The following ENPP2 variants were observed in gnomAD, a reference collection of about 807,000 sequenced individuals.
ENPP2 encodes the protein autotaxin.
In ENPP2, 51 loss-of-function variants were observed where a neutral mutation model predicts 120.2. The observed-to-expected ratio is 0.42, with a 90% CI of 0.34 to 0.54. The LOEUF (loss-of-function observed/expected upper bound fraction) is 0.54, where lower values mean the gene tolerates loss of function less well. Ranked by LOEUF, ENPP2 falls within the 20% of genes least tolerant of loss-of-function variation. The probability of loss-of-function intolerance (pLI) is 0.04; values close to 1 mark genes in which losing one functional copy is unlikely to be tolerated. For missense variants in ENPP2, 920 were observed against 1,066.5 expected, an observed-to-expected ratio of 0.86 and a Z score of 1.91; for synonymous variants, 365 against 366.4, an observed-to-expected ratio of 1.00 and a Z score of 0.04.
chr8:119,619,955 C>G (rs1255791635), intron 4 of ENPP2, among the ~76,000 whole-genome samples: 1 of 151,958 alleles, frequency 6.6e-6, no homozygotes, highest in Non-Finnish European at 1.5e-5. Flanking sequence ...AAGAATTTGC[C>G]TTAAATTATT....
chr8:119,580,324 C>A, intron 18 of ENPP2, 157 bp from the exon 19 acceptor site: 1 of 671,020 alleles, frequency 1.5e-6, no homozygotes, highest in Non-Finnish European at 2.7e-6. Flanking sequence ...ACTGTTTTCT[C>A]TCAAACTGAC....
At chr8:119,660,575 C>A (rs1431107139) in intron 1 of ENPP2, among the ~76,000 whole-genome samples, 1 of 152,186 alleles carries the variant, frequency 6.6e-6, no homozygotes. Flanking sequence ...AGCTTCTGAG[C>A]AGAAGCTTTG....
rs1814091244 is a variant in ENPP2, at chr8:119,562,928, T to C, written c.2350A>G (p.Lys784Glu). 6.2e-7 allele frequency: 1 copy of C among 1,614,024 alleles called. No individual in the cohort carries two copies. The highest frequency in any genetic ancestry group is 1.7e-5 in the Admixed American group (1 of 60,000). Residue 784 changes from lysine (K) to glutamate (E), a missense_variant, in exon 24 of 25, where the codon AAG (lysine) becomes GAG (glutamate). By Grantham distance (56) the Lys-to-Glu change is moderately conservative. Transcript: ENST00000075322. ...GACACAGAGAGAGGGCCGTCACACT[T>C]GTCGGCAGGCTGAGTGAAATCCAGA... ...SCLDFTQPAD[K>E]CDGPLSVSSF...
chr8:119,638,375 G>A (rs375548031), intron 2 of ENPP2, 50 bp downstream of exon 2: 85 of 868,646 alleles, frequency 9.8e-5, no homozygotes, highest in African/African-American at 5.0e-4. Context: ...TGATTACCCC[G>A]TATGTAATAT....
chr8:119,608,292 T>C (rs1814862374), intron 8 of ENPP2, among the ~76,000 whole-genome samples: 1 of 152,216 alleles, frequency 6.6e-6, no homozygotes, highest in East Asian at 1.9e-4. Flanking sequence ...TTTTGAACAA[T>C]TAACTTATGC....
At chr8:119,632,691 A>C (rs958235130) in intron 2 of ENPP2, among the ~76,000 whole-genome samples, 2 of 152,260 alleles carry the variant, frequency 1.3e-5, no homozygotes, top group Non-Finnish European at 2.9e-5. Flanking sequence ...ATTCTGACAG[A>C]AACAGGTACA....
chr8:119,644,621 T>TACACAC (rs1385686458), intron 1 of ENPP2, among the ~76,000 whole-genome samples: 3 of 104,518 alleles, frequency 2.9e-5, no homozygotes, highest in African/African-American at 7.7e-5. Flanking sequence ...TATATATATA[T>TACACAC]ATATACACAC....
intron 1 of ENPP2, among the ~76,000 whole-genome samples, chr8:119,656,315 C>T (rs1817764998): frequency 6.6e-6 from 1 of 152,092 alleles, no homozygotes; most frequent in African/African-American, 2.4e-5. Context: ...CTCCCAACTA[C>T]AACACAATTG....
chr8:119,645,259 C>T (rs569192960), intron 1 of ENPP2, among the ~76,000 whole-genome samples: 1 of 152,312 alleles, frequency 6.6e-6, no homozygotes, highest in African/African-American at 2.4e-5. Flanking sequence ...ACGAGGGCCT[C>T]CACTCAACAC....
rs748134661 is a variant in ENPP2 at position 119,582,393 on chromosome 8, T to C, written c.1728+25A>G. 3.8e-6 allele frequency: 6 copies of C among 1,597,190 alleles called. No homozygotes were observed. In the South Asian group the frequency reaches 4.4e-5, roughly 12 times the overall value. On this transcript the variant is annotated intron_variant, in intron 18 of 24. Transcript: ENST00000075322. The stretch of plus-strand genomic sequence containing the variant: ...GTTAGCCACCCAACAAACTTCTCCA[T>C]AATAAACATAAAGATTATTTCTACC...
At chr8:119,606,444 T>C (rs769116052) in intron 9 of ENPP2, among the ~76,000 whole-genome samples, 1 of 152,120 alleles carries the variant, frequency 6.6e-6, no homozygotes, top group Admixed American at 6.5e-5. Context: ...GCCAGGCAAA[T>C]ATGTTACAGA....
chr8:119,575,306 G>T (rs1363851000), intron 19 of ENPP2, among the ~76,000 whole-genome samples: 1 of 151,990 alleles, frequency 6.6e-6, no homozygotes, highest in Non-Finnish European at 1.5e-5. Context: ...GGTGCTGGCC[G>T]CTGGGTTATT....
chr8:119,607,578 G>C (rs111608198), intron 9 of ENPP2, among the ~76,000 whole-genome samples: 5,600 of 152,018 alleles, frequency 0.037, 341 homozygotes, highest in African/African-American at 0.13. Flanking sequence ...GGGAGGCTGA[G>C]GCAGGAGAAT....
chr8:119,595,703 C>T (rs1259276081), intron 11 of ENPP2: 2 of 727,170 alleles, frequency 2.8e-6, no homozygotes, highest in Non-Finnish European at 2.4e-6. Flanking sequence ...TCTGAAGTAC[C>T]ACATTCTTCT....
chr8:119,600,864 TTAAC>T lies in ENPP2; in HGVS notation c.900-118_900-115del, dbSNP rs1408555621. 3 of 702,012 alleles carry T rather than the reference TTAAC, an allele frequency of 4.3e-6. No homozygotes were observed. The Admixed American group carries it at 8.1e-5, about 19-fold the overall frequency. The allele number at this position is 702,012 out of a possible 1,614,324, so 43.5% of individuals were successfully genotyped here. A position where few individuals can be genotyped will look rare whatever the true frequency, so the allele number is the denominator to read the frequency against. The stretch of plus-strand genomic sequence containing the variant: ...AATGTTCTCAAGTTTAATTTATCCT[TTAAC>T]TACTATTCATGTTAGCATGAAAAAC... On this transcript the variant is annotated intron_variant, in intron 10 of 24. Coordinates refer to ENST00000075322, the MANE Select transcript of ENPP2 (RefSeq NM_001040092.3).
chr8:119,583,667 T>C (rs1472716022), intron 17 of ENPP2, 50 bp downstream of exon 17: 2 of 1,000,072 alleles, frequency 2.0e-6, no homozygotes, highest in Non-Finnish European at 3.1e-6. Context: ...AAAGATCATA[T>C]ATACTAACTA....
At chr8:119,568,922 A>G (rs1009108084) in intron 21 of ENPP2, among the ~76,000 whole-genome samples, 1 of 152,320 alleles carries the variant, frequency 6.6e-6, no homozygotes, top group East Asian at 1.9e-4. Context: ...CAATCTTAAG[A>G]GATCCCCTCT....
intron 1 of ENPP2, among the ~76,000 whole-genome samples, chr8:119,644,653 G>A (rs202168424): frequency 2.2e-5 from 2 of 91,830 alleles, no homozygotes; most frequent in Non-Finnish European, 4.9e-5. Flanking sequence ...CACACATATA[G>A]ATATATATAT....
chr8:119,585,859 C>A (rs1813069656), intron 15 of ENPP2, among the ~76,000 whole-genome samples: 1 of 151,788 alleles, frequency 6.6e-6, no homozygotes, highest in Admixed American at 6.6e-5. Flanking sequence ...GGCAAGCTCC[C>A]ATTTATACTT....
Sources: gnomAD v4.1 joint callset for allele counts (sites outside exome capture counted in the v4.1 genomes callset) on GRCh38, gnomAD v4.1.1 for gene constraint, MANE v1.5 for transcripts, NCBI Gene and HGNC (gene_info 2026-07-23, HGNC 2026-07-21) for gene names.